CFAP299: variants seen among roughly 807,000 people sequenced by gnomAD.
The protein encoded by CFAP299 is cilia- and flagella-associated protein 299.
A neutral mutation model predicts 27.0 loss-of-function variants in CFAP299; 21 were observed. The ratio of observed to expected loss-of-function variants is 0.78; its 90% CI spans 0.55 to 1.12. CFAP299 has a LOEUF of 1.12. CFAP299 is among the 50% of genes most tolerant of loss of function. The pLI is 0.00. For synonymous variants in CFAP299, 104 were observed against 98.1 expected (o/e 1.06, Z -0.36); for missense variants, 310 against 276.6 (o/e 1.12, Z -0.86).
Position 80,423,590 on chromosome 4 carries a change from C to T in CFAP299, c.242+60706C>T, listed in dbSNP as rs77987173. On this transcript the variant is annotated intron_variant, in intron 2 of 5. Transcript: ENST00000358105. ...GAGCTCTCTGACCCCCTATTCCATGCATGGAGCTAAACAGATGTCCTCAGA... is the reference window on the plus strand; with the variant it reads ...GAGCTCTCTGACCCCCTATTCCATGTATGGAGCTAAACAGATGTCCTCAGA... 8.8e-3 allele frequency among the ~76,000 whole-genome samples: 1,345 copies of T among 152,284 alleles called. 24 individuals carry two copies. The highest frequency in any genetic ancestry group is 0.03 in the African/African-American group (1,239 of 41,548).
At chr4:80,438,374 T>C (rs1728195009) in intron 2 of CFAP299, among the ~76,000 whole-genome samples, 1 of 152,228 alleles carries the variant, frequency 6.6e-6, no homozygotes, top group Non-Finnish European at 1.5e-5. Context: ...GGGAGGCTAC[T>C]CTTGCTTATC....
At chr4:80,799,448 A>T (rs1728130442) in intron 3 of CFAP299, among the ~76,000 whole-genome samples, 2 of 90,978 alleles carry the variant, frequency 2.2e-5, no homozygotes, top group Non-Finnish European at 3.7e-5. Flanking sequence ...ATATTTATAA[A>T]ATATATATAA....
At chr4:80,833,424 GA>G (rs1730402026) in intron 3 of CFAP299, among the ~76,000 whole-genome samples, 2 of 151,896 alleles carry the variant, frequency 1.3e-5, no homozygotes, top group Non-Finnish European at 2.9e-5. Flanking sequence ...ATAACTCTAT[GA>G]GGGGTGGGGA....
intron 2 of CFAP299, among the ~76,000 whole-genome samples, chr4:80,581,507 A>G (rs896182247): frequency 7.7e-6 from 1 of 129,922 alleles, no homozygotes; most frequent in Non-Finnish European, 1.6e-5. Context: ...TGAGGAAGAT[A>G]AAGCCAGAAA....
chr4:80,661,618 G>A (rs985043856), intron 3 of CFAP299, among the ~76,000 whole-genome samples: 11 of 151,870 alleles, frequency 7.2e-5, no homozygotes, highest in African/African-American at 2.2e-4. Flanking sequence ...GATGAATGTC[G>A]CCTCAGGACC....
chr4:80,685,866 G>A (rs962143256), intron 3 of CFAP299, among the ~76,000 whole-genome samples: 4 of 152,102 alleles, frequency 2.6e-5, no homozygotes, highest in African/African-American at 9.7e-5. Context: ...TGGACACTGG[G>A]AAAGGCCAAA....
chr4:80,747,546 G>A (rs1578086228), intron 3 of CFAP299, among the ~76,000 whole-genome samples: 1 of 152,026 alleles, frequency 6.6e-6, no homozygotes, highest in African/African-American at 2.4e-5. Flanking sequence ...GTCAGCAACA[G>A]ACATTGATGA....
chr4:80,850,711 A>C (rs1731470542), intron 3 of CFAP299, among the ~76,000 whole-genome samples: 1 of 152,084 alleles, frequency 6.6e-6, no homozygotes, highest in South Asian at 2.1e-4. Context: ...GGAGAATCAT[A>C]TGCTGATTTC....
intron 2 of CFAP299, among the ~76,000 whole-genome samples, chr4:80,536,324 T>G (rs1733737354): frequency 6.6e-6 from 1 of 152,192 alleles, no homozygotes. Context: ...ATGCTCTGAT[T>G]TAATAAATCT....
Position 80,956,373 on chromosome 4 carries a change from C to T in CFAP299, c.607-7144C>T, listed in dbSNP as rs148248263. ...CTGTTTGGAGTCATTTTATTTGCTC[C>T]AGTCATTTTTTATTACTATTGGAAA... On this transcript the variant is annotated intron_variant, in intron 5 of 5. Transcript: ENST00000358105. Among the ~76,000 whole-genome samples the T allele has an allele frequency of 8.5e-4, 130 of 152,092 alleles. 1 individual carries two copies. In the East Asian group the frequency reaches 0.021, roughly 25 times the overall value.
chr4:80,543,344 G>T (rs1734089349), intron 2 of CFAP299, among the ~76,000 whole-genome samples: 2 of 152,194 alleles, frequency 1.3e-5, no homozygotes, highest in Admixed American at 1.3e-4. Context: ...CCCCAGCAAT[G>T]ATTCTTAACC....
At chr4:80,553,441 T>C (rs1451787345) in intron 2 of CFAP299, among the ~76,000 whole-genome samples, 3 of 152,244 alleles carry the variant, frequency 2.0e-5, no homozygotes, top group Non-Finnish European at 4.4e-5. Flanking sequence ...GTCTTTGCTA[T>C]TGTGAATAGT....
intron 3 of CFAP299, among the ~76,000 whole-genome samples, chr4:80,795,503 T>G (rs1444585788): frequency 3.3e-5 from 5 of 152,138 alleles, no homozygotes; most frequent in African/African-American, 1.2e-4. Context: ...GGCCCTAGTA[T>G]TCTCTTCCTC....
intron 2 of CFAP299, among the ~76,000 whole-genome samples, chr4:80,415,568 G>A (rs1239271233): frequency 6.6e-6 from 1 of 151,964 alleles, no homozygotes; most frequent in African/African-American, 2.4e-5. Context: ...ATATATACAT[G>A]GGAAATACTG....
chr4:80,540,990 A>G (rs1733969917), intron 2 of CFAP299, among the ~76,000 whole-genome samples: 1 of 152,172 alleles, frequency 6.6e-6, no homozygotes, highest in Admixed American at 6.5e-5. Flanking sequence ...AGAGAAGCAG[A>G]TGACTCAATT....
intron 2 of CFAP299, among the ~76,000 whole-genome samples, chr4:80,479,917 A>G (rs1480256207): frequency 1.3e-5 from 2 of 152,076 alleles, no homozygotes; most frequent in African/African-American, 4.8e-5. Flanking sequence ...AAAAGCTCAC[A>G]GCCTATTACC....
In CFAP299 at chr4:80,944,825, C is replaced by T. The variant is rs149006937; in HGVS notation, c.492C>T (p.Asp164=). The change falls in exon 5 of 6, where the codon GAC becomes GAT. Residue 164 remains aspartate, a synonymous_variant. Coordinates refer to ENST00000358105, the MANE Select transcript of CFAP299 (RefSeq NM_152770.3). ...RPTDISFYNW[D]ADIAVSNSSP... ...ATTTTTATAGCTTTTACAACTGGGACGCTGATATTGCTGTTAGTAATTCAA... is the reference window on the plus strand; with the variant it reads ...ATTTTTATAGCTTTTACAACTGGGATGCTGATATTGCTGTTAGTAATTCAA... 8,329 of 1,603,280 alleles carry T rather than the reference C, an allele frequency of 5.2e-3. 40 individuals are homozygous for T. The highest frequency in any genetic ancestry group is 0.015 in the Middle Eastern group (90 of 6,018).
At position 80,678,551 on chromosome 4, in the gene CFAP299, A is replaced by G. The variant is rs189481052; in HGVS notation, c.333+95368A>G. On this transcript the variant is annotated intron_variant, in intron 3 of 5. Transcript: ENST00000358105. ...TCTTTGAAATGACTGAGTCACAAAG[A>G]AGTTAAATAACTCACCCATTTTCAC... Among the ~76,000 whole-genome samples, 522 of 152,158 alleles carry G rather than the reference A, an allele frequency of 3.4e-3. 4 individuals are homozygous for G. The highest frequency in any genetic ancestry group is 0.012 in the African/African-American group (495 of 41,564).
chr4:80,486,010 G>A (rs7684929), intron 2 of CFAP299, among the ~76,000 whole-genome samples: 13,005 of 151,838 alleles, frequency 0.086, 602 homozygotes, highest in Middle Eastern at 0.18. Flanking sequence ...GCTCAGGCTG[G>A]ACTCAAACTC....
Sources: gnomAD v4.1 joint callset for allele counts (sites outside exome capture counted in the v4.1 genomes callset) on GRCh38, gnomAD v4.1.1 for gene constraint, MANE v1.5 for transcripts, NCBI Gene and HGNC (gene_info 2026-07-23, HGNC 2026-07-21) for gene names.